DNER: variants seen among roughly 807,000 people sequenced by gnomAD.
DNER encodes the protein delta and Notch-like epidermal growth factor-related receptor.
In DNER, 33 loss-of-function variants were observed where a neutral mutation model predicts 78.2. That is an observed-to-expected ratio of 0.42 (90% CI 0.32 to 0.56). DNER has a LOEUF of 0.56. Among genes scored for constraint, DNER ranks in the 20% least tolerant of loss-of-function variants. The pLI, the probability that DNER is intolerant of heterozygous loss-of-function variation, is 0.11. For missense variants in DNER, 918 were observed against 975.3 expected (o/e 0.94, Z 0.78); for synonymous variants, 417 against 384.8 (o/e 1.08, Z -0.98).
At chr2:229,713,131 C>T (rs76944030) in intron 1 of DNER, among the ~76,000 whole-genome samples, 4,021 of 152,234 alleles carry the variant, frequency 0.026, 188 homozygotes, top group African/African-American at 0.092. Flanking sequence ...TCCCAAATAT[C>T]GTCCATATTC....
chr2:229,392,433 G>A (rs1243240333), intron 10 of DNER, among the ~76,000 whole-genome samples: 1 of 152,134 alleles, frequency 6.6e-6, no homozygotes. Flanking sequence ...AGGAGACAAA[G>A]ATCAGAGTGT....
intron 6 of DNER, among the ~76,000 whole-genome samples, chr2:229,510,316 A>G (rs1695839237): frequency 6.6e-6 from 1 of 152,236 alleles, no homozygotes; most frequent in Non-Finnish European, 1.5e-5. Context: ...CTGCGAAGGG[A>G]TGCCCTGCAG....
At chr2:229,599,968 A>G (rs1697797023) in intron 1 of DNER, among the ~76,000 whole-genome samples, 1 of 152,154 alleles carries the variant, frequency 6.6e-6, no homozygotes, top group South Asian at 2.1e-4. Context: ...ACTAGAATGG[A>G]CCATTGTTTT....
At chr2:229,417,998 T>G (rs1574834399) in intron 9 of DNER, 110 bp downstream of exon 9, 9 of 1,545,596 alleles carry the variant, frequency 5.8e-6, no homozygotes, top group Non-Finnish European at 7.0e-6. Flanking sequence ...AGCATTTGAT[T>G]GTTATTCTGA....
intron 10 of DNER, 104 bp downstream of exon 10, chr2:229,407,128 A>C: frequency 1.0e-6 from 1 of 962,114 alleles, no homozygotes; most frequent in Admixed American, 2.1e-5. Context: ...AATGGTGTTT[A>C]TATTTTGCAA....
chr2:229,640,650 C>A (rs1421478459), intron 1 of DNER, among the ~76,000 whole-genome samples: 2 of 152,206 alleles, frequency 1.3e-5, no homozygotes, highest in Non-Finnish European at 1.5e-5. Context: ...CTGAGGTTGA[C>A]AGTTTCTCAG....
At chr2:229,528,020 A>T (rs1015572342) in intron 5 of DNER, among the ~76,000 whole-genome samples, 10 of 152,262 alleles carry the variant, frequency 6.6e-5, no homozygotes, top group Non-Finnish European at 1.3e-4. Flanking sequence ...AAAAAATTAC[A>T]TGCCAGTGAA....
intron 1 of DNER, among the ~76,000 whole-genome samples, chr2:229,673,285 C>T (rs374558370): frequency 6.6e-6 from 1 of 151,998 alleles, no homozygotes; most frequent in African/African-American, 2.4e-5. Context: ...AGCGTGGAAA[C>T]TGCTGAGAAG....
chr2:229,705,848 G>A (rs984414249), intron 1 of DNER, among the ~76,000 whole-genome samples: 1 of 152,184 alleles, frequency 6.6e-6, no homozygotes, highest in Non-Finnish European at 1.5e-5. Flanking sequence ...TAAGCCTGTA[G>A]TAACTCAGTT....
chr2:229,414,415 C>T (rs751546165), intron 9 of DNER, among the ~76,000 whole-genome samples: 6 of 151,986 alleles, frequency 3.9e-5, no homozygotes, highest in Admixed American at 1.3e-4. Context: ...TACAGGCACC[C>T]GCCACCACAC....
intron 4 of DNER, among the ~76,000 whole-genome samples, chr2:229,563,983 TCATCATCATCATCCTCACCCCATCAC>T (rs1356254259): frequency 1.5e-5 from 2 of 130,140 alleles, no homozygotes; most frequent in East Asian, 2.6e-4. Context: ...ATCACCATCA[TCATCATCATCATCCTCACCCCATCAC>T]CATCATCATC....
At chr2:229,492,187 G>A (rs1012992322) in intron 6 of DNER, among the ~76,000 whole-genome samples, 1 of 152,134 alleles carries the variant, frequency 6.6e-6, no homozygotes, top group East Asian at 1.9e-4. Context: ...ATTATTGAAT[G>A]AATAAGCCTT....
chr2:229,424,086 G>A (rs894951070), intron 8 of DNER, among the ~76,000 whole-genome samples: 3 of 152,154 alleles, frequency 2.0e-5, no homozygotes, highest in Admixed American at 1.3e-4. Flanking sequence ...CAATTGATTC[G>A]ATGCACTTTT....
intron 11 of DNER, among the ~76,000 whole-genome samples, chr2:229,370,210 C>T (rs1292045242): frequency 1.3e-5 from 2 of 152,168 alleles, no homozygotes; most frequent in Admixed American, 6.5e-5. Context: ...AAACAGGGGG[C>T]CAGGCCTGCA....
rs367594305 is a variant in DNER at position 229,418,147 on chromosome 2, C to T, written c.1570G>A (p.Val524Ile). 22 of 1,614,064 alleles carry T rather than the reference C, an allele frequency of 1.4e-5. No homozygotes were observed. The highest frequency in any genetic ancestry group is 1.6e-4 in the Middle Eastern group (1 of 6,076). Residue 524 changes from valine to isoleucine, a missense_variant, in exon 9 of 13, where the codon GTT becomes ATT. Transcript: ENST00000341772. Reference sequence around the variant, plus strand: ...AGGCACACACACTCATAGCCATTAACGAGGTCCCTGCAGGTGGCTGCATTC... The same window carrying T: ...AGGCACACACACTCATAGCCATTAATGAGGTCCCTGCAGGTGGCTGCATTC... Reference protein sequence around the residue: ...CLNAATCRDLVNGYECVCLAE... With the variant: ...CLNAATCRDLINGYECVCLAE...
rs969867442 is a variant in DNER, at chr2:229,614,034, G to C, written c.277-22146C>G. On this transcript the variant is annotated intron_variant, in intron 1 of 12. Coordinates refer to ENST00000341772, the MANE Select transcript of DNER (RefSeq NM_139072.4). ...CACTCCGGGGCCTGTTGTGGGGTGG[G>C]GGGGAGCGGGGAGGGATAGCATTAG... Among the ~76,000 whole-genome samples the C allele has an allele frequency of 2.6e-5, 4 of 151,494 alleles. No homozygotes were observed. In the East Asian group the frequency reaches 5.8e-4, roughly 22 times the overall value.
At chr2:229,391,870 G>A (rs207671) in intron 10 of DNER, among the ~76,000 whole-genome samples, 79,666 of 151,898 alleles carry the variant, frequency 0.52, 21,165 homozygotes, top group Middle Eastern at 0.61. Context: ...ACTACCTTCT[G>A]TGAGGCAATA....
In DNER at chr2:229,621,128, TCTTA is replaced by T. The variant is rs1232979432; in HGVS notation, c.277-29244_277-29241del. Among the ~76,000 whole-genome samples the T allele has an allele frequency of 2.0e-5, 3 of 152,106 alleles. No individual in the cohort carries two copies. In the East Asian group the frequency reaches 5.8e-4, roughly 29 times the overall value. On this transcript the variant is annotated intron_variant, in intron 1 of 12. Transcript: ENST00000341772. ...CCTTAAGGACATCATTACTAAGTGC[TCTTA>T]CTAAGGGTTTTAACACTGCAGATAT...
chr2:229,561,942 C>T (rs1170643555), intron 4 of DNER, among the ~76,000 whole-genome samples: 10 of 152,226 alleles, frequency 6.6e-5, no homozygotes, highest in East Asian at 1.9e-4. Flanking sequence ...ACCGAGCACG[C>T]GCCCTTCCTA....
Sources: gnomAD v4.1 joint callset for allele counts (sites outside exome capture counted in the v4.1 genomes callset) on GRCh38, gnomAD v4.1.1 for gene constraint, MANE v1.5 for transcripts, NCBI Gene and HGNC (gene_info 2026-07-23, HGNC 2026-07-21) for gene names.